NDUFAF2: variants seen among roughly 807,000 people sequenced by gnomAD.
NDUFAF2 encodes NADH dehydrogenase [ubiquinone] 1 alpha subcomplex assembly factor 2.
NDUFAF2 carries 13 observed loss-of-function variants against 22.8 expected under a neutral mutation model. That is an observed-to-expected ratio of 0.57 (90% CI 0.37 to 0.91). The LOEUF (loss-of-function observed/expected upper bound fraction) is 0.91. NDUFAF2 is among the 40% of genes least tolerant of loss of function. The pLI is 0.01. For synonymous variants in NDUFAF2, 53 were observed against 64.2 expected, an observed-to-expected ratio of 0.83 and a Z score of 0.84; for missense variants, 162 against 195.2, an observed-to-expected ratio of 0.83 and a Z score of 1.01.
intron 3 of NDUFAF2, chr5:61,115,885 A>G (rs1039909797): frequency 1.3e-5 from 2 of 152,208 alleles, no homozygotes; most frequent in African/African-American, 4.8e-5. Context: ...ATATCGTACA[A>G]CGAGACAACT....
intron 1 of NDUFAF2, among the ~76,000 whole-genome samples, chr5:61,042,869 CTA>C (rs1035444677): frequency 1.3e-5 from 2 of 152,194 alleles, no homozygotes; most frequent in African/African-American, 4.8e-5. Flanking sequence ...TCTGAAAAGG[CTA>C]TGATTCCACC....
chr5:61,073,169 A>G lies in NDUFAF2; in HGVS notation c.172A>G (p.Lys58Glu). The change falls in exon 2 of 4, where the codon AAA becomes GAA. Residue 58 changes from lysine to glutamate, a missense_variant. This residue lies in a region of NDUFAF2 where 94 missense variants were observed against 85.2 expected (regional missense o/e 1.10). Coordinates refer to ENST00000296597, the MANE Select transcript of NDUFAF2 (RefSeq NM_174889.5). ...AAGAATTGTAGAAGCAGCAAATAAA[A>G]AAGAAGTAGACTATGAAGCAGGGGA... The part of the protein sequence containing the change: ...EKRIVEAANK[K>E]EVDYEAGDIP... The G allele has an allele frequency of 6.2e-7, 1 of 1,613,510 alleles. No individual in the cohort carries two copies. Among genetic ancestry groups the G allele is most frequent in the Non-Finnish European group, 8.5e-7 (1 of 1,179,572 alleles).
At chr5:61,010,984 C>T (rs139222761) in intron 1 of NDUFAF2, among the ~76,000 whole-genome samples, 71 of 152,066 alleles carry the variant, frequency 4.7e-4, no homozygotes, top group African/African-American at 1.7e-3. Context: ...CATGAGATGG[C>T]GCTGTAAGGA....
At chr5:60,960,643 A>G (rs1237432115) in intron 1 of NDUFAF2, among the ~76,000 whole-genome samples, 2 of 152,214 alleles carry the variant, frequency 1.3e-5, no homozygotes, top group African/African-American at 4.8e-5. Context: ...TAGAGATAGT[A>G]TCTTCAGAAC....
chr5:61,117,745 G>A (rs1227758155), intron 3 of NDUFAF2, among the ~76,000 whole-genome samples: 2 of 151,874 alleles, frequency 1.3e-5, no homozygotes, highest in Non-Finnish European at 2.9e-5. Flanking sequence ...AATTTTTTTC[G>A]GCAGGGTATC....
chr5:60,997,502 C>T (rs776205947), intron 1 of NDUFAF2, among the ~76,000 whole-genome samples: 4 of 152,094 alleles, frequency 2.6e-5, no homozygotes, highest in Admixed American at 6.5e-5. Context: ...ATGCTGCTAA[C>T]GATGGAATTT....
At chr5:61,020,217 T>C (rs749438228) in intron 1 of NDUFAF2, among the ~76,000 whole-genome samples, 12 of 152,140 alleles carry the variant, frequency 7.9e-5, no homozygotes, top group African/African-American at 2.9e-4. Context: ...AGAACTAGCT[T>C]TTAATTACAT....
chr5:60,985,721 A>G (rs1208087034), intron 1 of NDUFAF2, among the ~76,000 whole-genome samples: 1 of 152,078 alleles, frequency 6.6e-6, no homozygotes, highest in African/African-American at 2.4e-5. Flanking sequence ...GAGTTTCTTA[A>G]TCCTGGAAAC....
rs1580103718 is a variant in NDUFAF2 at position 61,031,716 on chromosome 5, T to C, written c.128-41409T>C. On this transcript the variant is annotated intron_variant, in intron 1 of 3. Transcript: ENST00000296597. ...TGCATGTGTCTTTATAGTAGAATGATTTATAATCCTTTGAGTATATACACA... is the reference window on the plus strand; with the variant it reads ...TGCATGTGTCTTTATAGTAGAATGACTTATAATCCTTTGAGTATATACACA... Among the ~76,000 whole-genome samples the C allele has an allele frequency of 2.0e-5, 3 of 152,332 alleles. No individual in the cohort carries two copies. In the East Asian group the frequency reaches 5.8e-4, roughly 29 times the overall value.
chr5:61,096,310 T>G (rs1350768683), intron 2 of NDUFAF2, among the ~76,000 whole-genome samples: 1 of 152,070 alleles, frequency 6.6e-6, no homozygotes, highest in Admixed American at 6.6e-5. Flanking sequence ...ATTAAAACCT[T>G]TGCAAGTTGG....
intron 1 of NDUFAF2, among the ~76,000 whole-genome samples, chr5:61,043,220 TG>T (rs1751904833): frequency 6.6e-6 from 1 of 151,896 alleles, no homozygotes; most frequent in Non-Finnish European, 1.5e-5. Flanking sequence ...AACTCTGTCT[TG>T]GGGGAAAAAA....
At chr5:60,986,281 C>T (rs1479235835) in intron 1 of NDUFAF2, among the ~76,000 whole-genome samples, 1 of 152,026 alleles carries the variant, frequency 6.6e-6, no homozygotes, top group African/African-American at 2.4e-5. Flanking sequence ...AAATGTGGTA[C>T]ATTGTACAAT....
chr5:60,969,357 C>T (rs1218472927), intron 1 of NDUFAF2, among the ~76,000 whole-genome samples: 1 of 152,096 alleles, frequency 6.6e-6, no homozygotes, highest in Admixed American at 6.5e-5. Flanking sequence ...TTTTTCTCCA[C>T]ATCGTTGCCA....
At chr5:61,022,842 G>A (rs1751601242) in intron 1 of NDUFAF2, among the ~76,000 whole-genome samples, 1 of 152,048 alleles carries the variant, frequency 6.6e-6, no homozygotes, top group Admixed American at 6.6e-5. Flanking sequence ...ACGGAGTTTT[G>A]CCATGTTGGC....
rs181678663 is a variant in NDUFAF2, at chr5:61,014,742, A to G, written c.128-58383A>G. ...GTTGGTGTGAAGAAAACCCCCACAT[A>G]TTTGATTCCAGAAGTTTAAGTAAAA... On this transcript the variant is annotated intron_variant, in intron 1 of 3. Transcript: ENST00000296597. Among the ~76,000 whole-genome samples, 6 of 152,288 alleles carry G rather than the reference A, an allele frequency of 3.9e-5. No individual in the cohort carries two copies. The East Asian group carries it at 1.2e-3, about 29-fold the overall frequency.
chr5:61,096,617 A>C (rs1372429233), intron 2 of NDUFAF2, among the ~76,000 whole-genome samples: 2 of 150,580 alleles, frequency 1.3e-5, no homozygotes, highest in African/African-American at 4.9e-5. Context: ...AAAAAAAAAA[A>C]ATCTGTACAA....
At chr5:61,054,065 T>C (rs544060428) in intron 1 of NDUFAF2, among the ~76,000 whole-genome samples, 4 of 152,196 alleles carry the variant, frequency 2.6e-5, no homozygotes, top group African/African-American at 9.6e-5. Context: ...GCTGGGCACG[T>C]TGGCATGTGC....
At chr5:61,002,550 T>G (rs1021860036) in intron 1 of NDUFAF2, among the ~76,000 whole-genome samples, 1 of 152,180 alleles carries the variant, frequency 6.6e-6, no homozygotes, top group Non-Finnish European at 1.5e-5. Flanking sequence ...CTTACCCAAA[T>G]GGTATACTTA....
At chr5:61,045,685 C>T (rs1390718318) in intron 1 of NDUFAF2, among the ~76,000 whole-genome samples, 1 of 83,378 alleles carries the variant, frequency 1.2e-5, no homozygotes, top group Non-Finnish European at 2.2e-5. Flanking sequence ...TTGTATCCCA[C>T]AACTTTACTG....
Sources: gnomAD v4.1 joint callset for allele counts (sites outside exome capture counted in the v4.1 genomes callset) on GRCh38, gnomAD v4.1.1 for gene constraint, gnomAD v4.1.1 regional missense constraint, MANE v1.5 for transcripts, NCBI Gene and HGNC (gene_info 2026-07-23, HGNC 2026-07-21) for gene names.